Variants in COL6A2 observed in about 807,000 individuals in gnomAD.
COL6A2 encodes collagen alpha-2(VI) chain.
COL6A2 carries 90 observed loss-of-function variants against 124.9 expected under a neutral mutation model. The ratio of observed to expected loss-of-function variants is 0.72; its 90% CI spans 0.61 to 0.86. COL6A2 has a LOEUF of 0.86. COL6A2 is among the 40% of genes least tolerant of loss of function. COL6A2 has a pLI of 0.00. For missense variants in COL6A2, 1,607 were observed against 1,502.5 expected, an observed-to-expected ratio of 1.07 and a Z score of -1.15; for synonymous variants, 793 against 618.2, an observed-to-expected ratio of 1.28 and a Z score of -4.19.
At chr21:46,110,788 G>T (rs1225971127) in intron 1 of COL6A2, among the ~76,000 whole-genome samples, 1 of 152,270 alleles carries the variant, frequency 6.6e-6, no homozygotes, top group African/African-American at 2.4e-5. Flanking sequence ...GCACAGTGAG[G>T]CCCGTCCTGA....
At chr21:46,124,401 G>C (rs988527580) in intron 21 of COL6A2, among the ~76,000 whole-genome samples, 1 of 152,134 alleles carries the variant, frequency 6.6e-6, no homozygotes, top group Non-Finnish European at 1.5e-5. Flanking sequence ...TGCTATTTCT[G>C]GGACACCCAG....
intron 5 of COL6A2, among the ~76,000 whole-genome samples, chr21:46,115,601 C>A (rs1409200787): frequency 6.6e-6 from 1 of 152,222 alleles, no homozygotes; most frequent in Non-Finnish European, 1.5e-5. Context: ...CCCCACGGGC[C>A]AGGCACCCCC....
intron 26 of COL6A2, 43 bp from the exon 27 acceptor site, chr21:46,126,460 G>C: frequency 6.2e-7 from 1 of 1,601,846 alleles, no homozygotes; most frequent in Non-Finnish European, 8.5e-7. Flanking sequence ...GGGTTCGCTA[G>C]GGACTGACCC....
At position 46,131,981 on chromosome 21, in the gene COL6A2, G is replaced by A. The variant is rs139552940; in HGVS notation, c.2489G>A (p.Arg830Gln). 7.6e-5 allele frequency: 123 copies of A among 1,609,242 alleles called. No individual in the cohort carries two copies. The highest frequency in any genetic ancestry group is 1.1e-4 in the East Asian group (5 of 44,748). Residue 830 changes from arginine to glutamine, a missense_variant, in exon 28 of 28, where the codon CGG becomes CAG. Transcript: ENST00000300527. ...TELSVAQCTQ[R>Q]PVDIVFLLDG... The stretch of plus-strand genomic sequence containing the variant: ...CTGTCCGTGGCACAGTGCACGCAGC[G>A]GCCCGTGGACATCGTCTTCCTGCTG...
intron 17 of COL6A2, 91 bp from the exon 18 acceptor site, chr21:46,121,465 G>A (rs2078564888): frequency 7.9e-7 from 1 of 1,266,518 alleles, no homozygotes; most frequent in South Asian, 1.2e-5. Flanking sequence ...ATGTGGCCTG[G>A]TGGTCAGGGC....
chr21:46,124,587 C>G (rs1487299726), intron 21 of COL6A2, 64 bp from the exon 22 acceptor site: 1 of 1,517,510 alleles, frequency 6.6e-7, no homozygotes, highest in East Asian at 2.3e-5. Context: ...GCACAGGGGG[C>G]CCTGCTGTGT....
chr21:46,112,835 C>T lies in COL6A2; in HGVS notation c.735+11C>T, dbSNP rs765921428. 2.5e-6 allele frequency: 4 copies of T among 1,613,586 alleles called. No homozygotes were observed. The highest frequency in any genetic ancestry group is 2.2e-5 in the East Asian group (1 of 44,878). ...GAAGCCTACGGAGAGGTGAGTGGCG[C>T]TTCCCTTCCTGCCAGTGCTGGCCGG... On this transcript the variant is annotated intron_variant, in intron 4 of 27. Coordinates refer to ENST00000300527, the MANE Select transcript of COL6A2 (RefSeq NM_001849.4).
chr21:46,120,710 A>AG (rs965140164), intron 16 of COL6A2, 133 bp downstream of exon 16: 10 of 856,624 alleles, frequency 1.2e-5, no homozygotes, highest in African/African-American at 1.0e-4. Context: ...CCCCAAGGTA[A>AG]GGGGGGCCCA....
At chr21:46,120,185 G>T (rs568383110) in intron 15 of COL6A2, among the ~76,000 whole-genome samples, 1 of 79,890 alleles carries the variant, frequency 1.3e-5, no homozygotes, top group East Asian at 4.7e-4. Context: ...CGTGACCTCA[G>T]GGGTGATGCT....
intron 18 of COL6A2, among the ~76,000 whole-genome samples, 180 bp downstream of exon 18, chr21:46,121,798 C>T (rs1021623248): frequency 6.6e-6 from 1 of 152,164 alleles, no homozygotes; most frequent in Non-Finnish European, 1.5e-5. Context: ...GCCCCCCTGG[C>T]TCTCCTCTTC....
chr21:46,117,916 C>A lies in COL6A2; in HGVS notation c.1096C>A (p.Arg366=), dbSNP rs387906609. 1 of 1,612,836 alleles carries A rather than the reference C, an allele frequency of 6.2e-7. No homozygotes were observed. The highest frequency in any genetic ancestry group is 1.3e-5 in the African/African-American group (1 of 75,016). The change falls in exon 12 of 28, where the codon CGA becomes AGA. Residue 366 remains arginine (R), a synonymous_variant. Transcript: ENST00000300527. ...GGGGGAAGCAGGGAGTCCAGGGGAG[C>A]GAGGAGACCAAGGCGGCAAGGTAAG... ...YPGEAGSPGE[R]GDQGGKGDPG...
rs974896815 is a variant in COL6A2 at position 46,132,646 on chromosome 21, C to T, written c.*94C>T. The T allele has an allele frequency of 7.1e-6, 9 of 1,273,630 alleles. No individual in the cohort carries two copies. Among genetic ancestry groups the T allele is most frequent in the Non-Finnish European group, 9.9e-6 (9 of 909,504 alleles). 78.9% of individuals were successfully genotyped at this position (1,273,630 alleles called of 1,614,324 possible). A position where few individuals can be genotyped will look rare whatever the true frequency, so the allele number is the denominator to read the frequency against. On this transcript the variant is annotated 3_prime_UTR_variant, in exon 28 of 28. Transcript: ENST00000300527. ...GTCCCACACGGCCAGCACCGCTGCT[C>T]ACTCGGACGACGCCCTGGGCCTGCA...
At chr21:46,120,972 G>A (rs2078556943) in intron 16 of COL6A2, 89 bp from the exon 17 acceptor site, 2 of 1,258,712 alleles carry the variant, frequency 1.6e-6, no homozygotes, top group Non-Finnish European at 1.2e-6. Context: ...TTACCCCCGA[G>A]GCCCTGCAGT....
At chr21:46,129,394 T>TAGAGCGGC in intron 27 of COL6A2, 1 of 1,612,892 alleles carries the variant, frequency 6.2e-7, no homozygotes, top group Non-Finnish European at 8.5e-7. Flanking sequence ...GCCACCGGGG[T>TAGAGCGGC]AGAGCGGCAG....
Position 46,124,794 on chromosome 21 carries a change from G to T in COL6A2, c.1734+81G>T. The T allele has an allele frequency of 1.9e-6, 3 of 1,598,304 alleles. No homozygotes were observed. The East Asian group carries it at 6.7e-5, about 36-fold the overall frequency. On this transcript the variant is annotated intron_variant, in intron 22 of 27. Transcript: ENST00000300527. Reference sequence around the variant, plus strand: ...CCCAAGCCTCGTGGTTCTGCCCACGGTGGACCCACGTATCAGTGGGCAGTG... The same window carrying T: ...CCCAAGCCTCGTGGTTCTGCCCACGTTGGACCCACGTATCAGTGGGCAGTG...
intron 5 of COL6A2, 31 bp downstream of exon 5, chr21:46,114,104 C>CAGG: frequency 6.3e-7 from 1 of 1,579,138 alleles, no homozygotes; most frequent in Non-Finnish European, 8.7e-7. Flanking sequence ...GCAGGGTCTG[C>CAGG]GCTACCAGGA....
In COL6A2 at chr21:46,132,442, G is replaced by T. The variant is rs752700701; in HGVS notation, c.2950G>T (p.Val984Leu). The change falls in exon 28 of 28, where the codon GTG (valine) becomes TTG (leucine). Residue 984 changes from valine (V) to leucine (L), a missense_variant. By Grantham distance (32) the Val-to-Leu change is conservative. Coordinates refer to ENST00000300527, the MANE Select transcript of COL6A2 (RefSeq NM_001849.4). ...CTTGGGCAGCGACGTGGACATGGAC[G>T]TGCTCACCACGCTCAGCCTGGGTGA... Reference protein sequence around the residue: ...LALGSDVDMDVLTTLSLGDRA... With the variant: ...LALGSDVDMDLLTTLSLGDRA... 1 of 1,606,622 alleles carries T rather than the reference G, an allele frequency of 6.2e-7. No individual in the cohort carries two copies. The highest frequency in any genetic ancestry group is 1.1e-5 in the South Asian group (1 of 91,016).
In COL6A2 at chr21:46,132,662, T is replaced by A; in HGVS notation, c.*110T>A. ...ACCGCTGCTCACTCGGACGACGCCC[T>A]GGGCCTGCACCTCTCCAGCTCCTCC... is the stretch of plus-strand genomic sequence containing the variant. On this transcript the variant is annotated 3_prime_UTR_variant, in exon 28 of 28. Coordinates refer to ENST00000300527, the MANE Select transcript of COL6A2 (RefSeq NM_001849.4). 1 of 1,136,630 alleles carries A rather than the reference T, an allele frequency of 8.8e-7. No individual in the cohort carries two copies. The highest frequency in any genetic ancestry group is 1.3e-6 in the Non-Finnish European group (1 of 786,990). 70.4% of individuals were successfully genotyped at this position (1,136,630 alleles called of 1,614,324 possible).
chr21:46,132,514 C>G lies in COL6A2; in HGVS notation c.3022C>G (p.Pro1008Ala). The stretch of plus-strand genomic sequence containing the variant: ...GAAGGACTATGACAGCCTGGCGCAA[C>G]CCGGCTTCTTCGACCGCTTCATCCG... ...HEKDYDSLAQ[P>A]GFFDRFIRWI... The change falls in exon 28 of 28, where the codon CCC becomes GCC. Residue 1008 changes from proline to alanine, a missense_variant. Around this residue, in one of 3 missense-constraint regions of COL6A2, gnomAD observed 1,223 missense variants for 1,052.2 expected, o/e 1.16. Transcript: ENST00000300527. 6.2e-7 allele frequency: 1 copy of G among 1,606,978 alleles called. No individual in the cohort carries two copies. Among genetic ancestry groups the G allele is most frequent in the Non-Finnish European group, 8.5e-7 (1 of 1,179,462 alleles).
Sources: allele counts gnomAD v4.1 joint callset (sites outside exome capture counted in the v4.1 genomes callset), GRCh38; gene constraint gnomAD v4.1.1; regional missense constraint gnomAD v4.1.1; transcripts MANE v1.5; gene names NCBI Gene and HGNC (gene_info 2026-07-23, HGNC 2026-07-21).